The following DCC variants were observed in gnomAD, a reference collection of about 807,000 sequenced individuals.
The protein encoded by DCC is DCC netrin 1 receptor, also known as netrin receptor DCC.
In DCC, 58 loss-of-function variants were observed where a neutral mutation model predicts 172.5. The observed-to-expected ratio is 0.34, with a 90% CI of 0.27 to 0.42. The LOEUF (loss-of-function observed/expected upper bound fraction) is 0.42, where lower values mean the gene tolerates loss of function less well. Among genes scored for constraint, DCC ranks in the 10% least tolerant of loss-of-function variants. The pLI is 1.00. For missense variants in DCC, 1,740 were observed against 1,791.0 expected (o/e 0.97, Z 0.51); for synonymous variants, 709 against 644.5 (o/e 1.10, Z -1.52).
intron 1 of DCC, among the ~76,000 whole-genome samples, chr18:52,605,408 G>A (rs1050020423): frequency 3.3e-5 from 5 of 152,068 alleles, no homozygotes; most frequent in African/African-American, 7.2e-5. Flanking sequence ...TACTGCATTC[G>A]ATTTGTTAGG....
intron 5 of DCC, among the ~76,000 whole-genome samples, chr18:52,939,423 GT>G (rs1294946435): frequency 6.6e-6 from 1 of 152,008 alleles, no homozygotes; most frequent in African/African-American, 2.4e-5. Context: ...ATTAACTGTT[GT>G]TTTTTTGTCT....
chr18:53,371,807 A>G (rs975382291), intron 15 of DCC, among the ~76,000 whole-genome samples: 7 of 151,992 alleles, frequency 4.6e-5, no homozygotes, highest in African/African-American at 1.7e-4. Flanking sequence ...GGCAAATAAT[A>G]CGAACAACGC....
At chr18:53,063,172 A>G in intron 5 of DCC, 133 bp from the exon 6 acceptor site, 1 of 915,062 alleles carries the variant, frequency 1.1e-6, no homozygotes, top group South Asian at 1.3e-5. Context: ...TAATAAGCTA[A>G]GAGCTTAGGG....
At chr18:53,415,823 A>G (rs79153936) in intron 20 of DCC, among the ~76,000 whole-genome samples, 4 of 148,076 alleles carry the variant, frequency 2.7e-5, no homozygotes, top group African/African-American at 9.8e-5. Flanking sequence ...GTTTTTTTTT[A>G]CTGTTAATTC....
intron 1 of DCC, among the ~76,000 whole-genome samples, chr18:52,357,949 A>T (rs1984448700): frequency 7.0e-6 from 1 of 143,732 alleles, no homozygotes; most frequent in African/African-American, 2.7e-5. Context: ...AAAAAAAAAA[A>T]AAAAAAATCT....
intron 5 of DCC, among the ~76,000 whole-genome samples, chr18:53,060,680 T>C (rs1448455288): frequency 6.6e-6 from 1 of 152,152 alleles, no homozygotes. Context: ...ATTTTATTAA[T>C]CAATGTAAGA....
chr18:53,278,136 C>T (rs1180680160), intron 12 of DCC, among the ~76,000 whole-genome samples: 1 of 151,950 alleles, frequency 6.6e-6, no homozygotes, highest in African/African-American at 2.4e-5. Flanking sequence ...AATAACTAAA[C>T]TAAAATTGAA....
At position 52,988,306 on chromosome 18, in the gene DCC, T is replaced by G. The variant is rs535173846; in HGVS notation, c.985+62936T>G. On this transcript the variant is annotated intron_variant, in intron 5 of 28. Transcript: ENST00000442544. ...TCTTTCCTCTTACTTTATACAATTATTAAACAGAGATAAAACAAAGTCCAT... is the reference window on the plus strand; with the variant it reads ...TCTTTCCTCTTACTTTATACAATTAGTAAACAGAGATAAAACAAAGTCCAT... Among the ~76,000 whole-genome samples, 328 of 152,282 alleles carry G rather than the reference T, an allele frequency of 2.2e-3. 2 individuals are homozygous for G. Among genetic ancestry groups the G allele is most frequent in the African/African-American group, 6.6e-3 (273 of 41,580 alleles).
chr18:53,274,850 T>G (rs2056788112), intron 12 of DCC, among the ~76,000 whole-genome samples: 1 of 152,112 alleles, frequency 6.6e-6, no homozygotes, highest in Admixed American at 6.6e-5. Context: ...ATCTTCAGAT[T>G]AGTCAAACTG....
intron 2 of DCC, among the ~76,000 whole-genome samples, chr18:52,871,173 C>A (rs2039312493): frequency 6.6e-6 from 1 of 152,130 alleles, no homozygotes; most frequent in Non-Finnish European, 1.5e-5. Context: ...GGTTCTCAAC[C>A]ATTTTCAGAC....
intron 12 of DCC, among the ~76,000 whole-genome samples, chr18:53,291,872 C>T (rs1440224701): frequency 6.6e-6 from 1 of 152,132 alleles, no homozygotes; most frequent in African/African-American, 2.4e-5. Flanking sequence ...TTATCATAAA[C>T]TCTAGGGAAC....
At chr18:52,485,922 TA>T (rs559980687) in intron 1 of DCC, among the ~76,000 whole-genome samples, 32 of 152,166 alleles carry the variant, frequency 2.1e-4, no homozygotes, top group South Asian at 2.1e-3. Context: ...ATTTTTATGA[TA>T]AAAAAAGCAT....
At chr18:53,454,094 C>A (rs1416571925) in intron 23 of DCC, among the ~76,000 whole-genome samples, 2 of 152,136 alleles carry the variant, frequency 1.3e-5, no homozygotes, top group Non-Finnish European at 2.9e-5. Flanking sequence ...ACACCTGTAA[C>A]CCCAGCCTTT....
At chr18:53,473,098 T>C (rs576340066) in intron 25 of DCC, among the ~76,000 whole-genome samples, 1 of 152,310 alleles carries the variant, frequency 6.6e-6, no homozygotes, top group Middle Eastern at 3.4e-3. Context: ...TTGATGCTCT[T>C]ACAAATGCTT....
At chr18:52,713,156 C>T (rs2036322816) in intron 1 of DCC, among the ~76,000 whole-genome samples, 1 of 152,194 alleles carries the variant, frequency 6.6e-6, no homozygotes. Flanking sequence ...ATTCTTTCAG[C>T]TTCTCTAGGT....
intron 1 of DCC, among the ~76,000 whole-genome samples, chr18:52,687,045 A>G (rs2035848464): frequency 6.6e-6 from 1 of 151,988 alleles, no homozygotes; most frequent in South Asian, 2.1e-4. Context: ...CTTCCCAACT[A>G]CAGAGTGTAA....
intron 7 of DCC, among the ~76,000 whole-genome samples, chr18:53,107,884 A>G (rs2043273754): frequency 6.6e-6 from 1 of 151,676 alleles, no homozygotes; most frequent in African/African-American, 2.4e-5. Context: ...ATTGTTTTCT[A>G]TTACGTTTTA....
At chr18:53,431,015 C>T (rs922662397) in intron 21 of DCC, among the ~76,000 whole-genome samples, 1 of 152,032 alleles carries the variant, frequency 6.6e-6, no homozygotes, top group African/African-American at 2.4e-5. Context: ...GACTTTATGA[C>T]ATTTTAAAAA....
At chr18:53,406,718 AAAGAAAGAAAAAAG>A (rs1568112074) in intron 19 of DCC, among the ~76,000 whole-genome samples, 2,200 of 115,022 alleles carry the variant, frequency 0.019, 86 homozygotes, top group African/African-American at 0.055. Flanking sequence ...AAAAAAAAAG[AAAGAAAGAAAAAAG>A]AAAAAAAGTA....
Sources: allele counts gnomAD v4.1 joint callset (sites outside exome capture counted in the v4.1 genomes callset), GRCh38; gene constraint gnomAD v4.1.1; transcripts MANE v1.5; gene names NCBI Gene and HGNC (gene_info 2026-07-23, HGNC 2026-07-21).